MACROD2: variants seen among roughly 807,000 people sequenced by gnomAD.
MACROD2 encodes mono-ADP ribosylhydrolase 2, also known as ADP-ribose glycohydrolase MACROD2.
In MACROD2, 36 loss-of-function variants were observed where a neutral mutation model predicts 70.4. That is an observed-to-expected ratio of 0.51 (90% confidence interval 0.39 to 0.68). The LOEUF (loss-of-function observed/expected upper bound fraction) is 0.68, where lower values mean the gene tolerates loss of function less well. Ranked by LOEUF, MACROD2 falls within the 30% of genes least tolerant of loss-of-function variation. The pLI is 0.00. For synonymous variants in MACROD2, 172 were observed against 178.8 expected (o/e 0.96, Z 0.30); for missense variants, 496 against 538.4 (o/e 0.92, Z 0.78).
intron 5 of MACROD2, among the ~76,000 whole-genome samples, chr20:14,707,792 A>G (rs935277710): frequency 6.6e-6 from 1 of 152,152 alleles, no homozygotes; most frequent in Non-Finnish European, 1.5e-5. Context: ...ACTTCCTATC[A>G]CTTTATTTTA....
At chr20:15,862,167 A>T (rs896114073) in intron 8 of MACROD2, among the ~76,000 whole-genome samples, 1 of 152,240 alleles carries the variant, frequency 6.6e-6, no homozygotes, top group African/African-American at 2.4e-5. Flanking sequence ...ATTAAATGTT[A>T]TATCGACCTT....
chr20:15,848,590 A>G (rs17634776), intron 8 of MACROD2, among the ~76,000 whole-genome samples: 13,342 of 152,260 alleles, frequency 0.088, 795 homozygotes, highest in Non-Finnish European at 0.13. Context: ...TTTGAAAAGC[A>G]CTTAATTAAT....
At chr20:15,049,932 A>G (rs915487070) in intron 5 of MACROD2, among the ~76,000 whole-genome samples, 3 of 150,036 alleles carry the variant, frequency 2.0e-5, no homozygotes, top group African/African-American at 7.4e-5. Flanking sequence ...TGGATGACAG[A>G]GTGAGACTCT....
At chr20:14,166,169 T>C (rs1288742140) in intron 3 of MACROD2, among the ~76,000 whole-genome samples, 3 of 152,136 alleles carry the variant, frequency 2.0e-5, no homozygotes, top group Non-Finnish European at 4.4e-5. Context: ...ATAAAAAAAG[T>C]TTTTAAAAAT....
intron 3 of MACROD2, among the ~76,000 whole-genome samples, chr20:14,380,783 C>G (rs1042335229): frequency 6.6e-6 from 1 of 152,112 alleles, no homozygotes; most frequent in Non-Finnish European, 1.5e-5. Context: ...CCTTATGCCT[C>G]CATTATACTG....
At chr20:14,620,708 T>G (rs1174486950) in intron 4 of MACROD2, among the ~76,000 whole-genome samples, 1 of 152,106 alleles carries the variant, frequency 6.6e-6, no homozygotes, top group Admixed American at 6.6e-5. Context: ...TGTCAACTTC[T>G]TTTCTGCTAG....
At chr20:15,597,196 C>T (rs548572089) in intron 8 of MACROD2, among the ~76,000 whole-genome samples, 17 of 152,332 alleles carry the variant, frequency 1.1e-4, no homozygotes, top group African/African-American at 4.1e-4. Context: ...GTGTTTGCTT[C>T]TCACCTTAAG....
chr20:14,592,561 C>T (rs1981846670), intron 4 of MACROD2, among the ~76,000 whole-genome samples: 1 of 152,156 alleles, frequency 6.6e-6, no homozygotes, highest in Middle Eastern at 3.4e-3. Context: ...GTAGCTGGGA[C>T]CACAGGCGCA....
chr20:15,642,536 CTGATT>C (rs995808331), intron 8 of MACROD2, among the ~76,000 whole-genome samples: 13 of 151,430 alleles, frequency 8.6e-5, no homozygotes, highest in Admixed American at 5.9e-4. Flanking sequence ...GTTTTCCTCT[CTGATT>C]TGTGGTTAGA....
At chr20:15,259,985 A>T (rs866601326) in intron 6 of MACROD2, among the ~76,000 whole-genome samples, 31 of 151,558 alleles carry the variant, frequency 2.0e-4, no homozygotes, top group African/African-American at 6.3e-4. Flanking sequence ...CTCTCCTGAA[A>T]TTTTTTTTAT....
intron 5 of MACROD2, among the ~76,000 whole-genome samples, chr20:14,886,334 G>A (rs550602408): frequency 6.6e-6 from 1 of 152,280 alleles, no homozygotes; most frequent in African/African-American, 2.4e-5. Context: ...GAACTAAGAG[G>A]AAAGCAGAAG....
chr20:15,408,682 C>T (rs966632055), intron 6 of MACROD2, among the ~76,000 whole-genome samples: 2 of 152,178 alleles, frequency 1.3e-5, no homozygotes, highest in African/African-American at 2.4e-5. Flanking sequence ...GAGAGGGCAT[C>T]TTTCAGTGAC....
At chr20:16,006,730 G>C (rs925265004) in intron 15 of MACROD2, among the ~76,000 whole-genome samples, 7 of 152,122 alleles carry the variant, frequency 4.6e-5, no homozygotes, top group African/African-American at 7.2e-5. Context: ...GGGAGGCTCG[G>C]AGGCTCAGGT....
At chr20:14,102,345 A>G (rs915631750) in intron 3 of MACROD2, among the ~76,000 whole-genome samples, 1 of 152,100 alleles carries the variant, frequency 6.6e-6, no homozygotes, top group Non-Finnish European at 1.5e-5. Context: ...AGAGGGACTC[A>G]AGAGCCTGTT....
intron 3 of MACROD2, among the ~76,000 whole-genome samples, chr20:14,478,830 A>C (rs2084628386): frequency 6.6e-6 from 1 of 152,000 alleles, no homozygotes; most frequent in African/African-American, 2.4e-5. Context: ...ATTTTCCAAG[A>C]TTTTTTGGTC....
chr20:15,016,601 C>T (rs2075123444), intron 5 of MACROD2, among the ~76,000 whole-genome samples: 1 of 151,708 alleles, frequency 6.6e-6, no homozygotes, highest in African/African-American at 2.4e-5. Flanking sequence ...GCACGTCCCC[C>T]CTCTCTCTCT....
intron 2 of MACROD2, among the ~76,000 whole-genome samples, chr20:14,036,958 T>C (rs2053319887): frequency 6.6e-6 from 1 of 152,262 alleles, no homozygotes; most frequent in Non-Finnish European, 1.5e-5. Flanking sequence ...TGTGGTAAAG[T>C]TACAATTTTA....
intron 3 of MACROD2, among the ~76,000 whole-genome samples, chr20:14,360,359 ATGT>A (rs1263289123): frequency 2.0e-5 from 3 of 152,232 alleles, no homozygotes; most frequent in Non-Finnish European, 4.4e-5. Context: ...TTAAAGAATA[ATGT>A]TGTACATGAT....
intron 15 of MACROD2, among the ~76,000 whole-genome samples, chr20:16,015,450 A>C (rs2066916836): frequency 6.6e-6 from 1 of 152,192 alleles, no homozygotes; most frequent in Non-Finnish European, 1.5e-5. Context: ...TATCCACTTT[A>C]AACAAAAGGA....
Sources: allele counts gnomAD v4.1 joint callset (sites outside exome capture counted in the v4.1 genomes callset), GRCh38; gene constraint gnomAD v4.1.1; transcripts MANE v1.5; gene names NCBI Gene and HGNC (gene_info 2026-07-23, HGNC 2026-07-21).